Variants in CTNNA2 observed in about 807,000 individuals in gnomAD.
The protein encoded by CTNNA2 is catenin alpha-2.
A neutral mutation model predicts 101.0 loss-of-function variants in CTNNA2; 42 were observed. The observed-to-expected ratio is 0.42, with a 90% CI of 0.32 to 0.54. CTNNA2 has a LOEUF of 0.54. Among genes scored for constraint, CTNNA2 ranks in the 20% least tolerant of loss-of-function variants. CTNNA2 has a pLI of 0.14. For synonymous variants in CTNNA2, 450 were observed against 456.4 expected (o/e 0.99, Z 0.18); for missense variants, 871 against 1,223.1 (o/e 0.71, Z 4.29).
intron 7 of CTNNA2, among the ~76,000 whole-genome samples, chr2:79,959,946 G>T (rs1689514870): frequency 6.6e-6 from 1 of 152,096 alleles, no homozygotes; most frequent in African/African-American, 2.4e-5. Context: ...TAATTTAATG[G>T]AGAATATTCA....
chr2:80,541,514 G>T (rs903668344), intron 9 of CTNNA2, among the ~76,000 whole-genome samples: 1 of 152,138 alleles, frequency 6.6e-6, no homozygotes, highest in African/African-American at 2.4e-5. Flanking sequence ...AACAAAAGAT[G>T]AGAAAACAGT....
intron 3 of CTNNA2, among the ~76,000 whole-genome samples, chr2:79,799,556 A>C (rs571703338): frequency 6.6e-6 from 1 of 152,148 alleles, no homozygotes. Context: ...ATCCCCCACG[A>C]TTTTACTGTA....
At chr2:80,335,392 G>A (rs1671683321) in intron 7 of CTNNA2, among the ~76,000 whole-genome samples, 1 of 152,122 alleles carries the variant, frequency 6.6e-6, no homozygotes, top group African/African-American at 2.4e-5. Context: ...GGAGTGAGGA[G>A]GAAGGCCTAC....
intron 11 of CTNNA2, among the ~76,000 whole-genome samples, chr2:80,553,880 T>C (rs1692794868): frequency 6.6e-6 from 1 of 152,206 alleles, no homozygotes; most frequent in East Asian, 1.9e-4. Context: ...TGTGTTCACA[T>C]GTTTAATCAT....
chr2:79,453,252 T>G lies in CTNNA2; in HGVS notation c.-134-51802T>G, dbSNP rs546177418. On this transcript the variant is annotated intron_variant, in intron 4 of 21. Coordinates refer to the CTNNA2 transcript ENST00000466387. ...TGCACATTACTTAGTAGAAAATTGA[T>G]GTTAGCTTTAAAGCATTCAAATAAG... 1.8e-4 allele frequency among the ~76,000 whole-genome samples: 28 copies of G among 152,264 alleles called. No individual in the cohort carries two copies. In the South Asian group the frequency reaches 5.6e-3, roughly 30 times the overall value.
intron 15 of CTNNA2, among the ~76,000 whole-genome samples, chr2:80,592,340 G>T (rs1490242239): frequency 6.6e-6 from 1 of 152,092 alleles, no homozygotes; most frequent in Admixed American, 6.6e-5. Flanking sequence ...TCAGTGAAGG[G>T]CAACCATCCA....
intron 7 of CTNNA2, among the ~76,000 whole-genome samples, chr2:80,185,539 A>G (rs1160069878): frequency 6.6e-6 from 1 of 152,200 alleles, no homozygotes; most frequent in Non-Finnish European, 1.5e-5. Context: ...ATGAGGGTTT[A>G]ATGTTCTAAA....
intron 7 of CTNNA2, among the ~76,000 whole-genome samples, chr2:80,078,857 TTTATC>T (rs1698933897): frequency 6.6e-6 from 1 of 152,134 alleles, no homozygotes; most frequent in African/African-American, 2.4e-5. Flanking sequence ...CTCCCTCCCT[TTTATC>T]TTGTCCTGAA....
chr2:79,381,728 A>G (rs527620306), intron 4 of CTNNA2, among the ~76,000 whole-genome samples: 1 of 152,176 alleles, frequency 6.6e-6, no homozygotes, highest in African/African-American at 2.4e-5. Flanking sequence ...CTGTCTATCC[A>G]GTGATCATTC....
chr2:79,334,075 CTT>C (rs918368766), intron 3 of CTNNA2, among the ~76,000 whole-genome samples: 23 of 152,078 alleles, frequency 1.5e-4, no homozygotes, highest in African/African-American at 4.8e-4. Context: ...GCTATCATGT[CTT>C]TGTGTTGGGG....
intron 1 of CTNNA2, among the ~76,000 whole-genome samples, chr2:79,581,243 T>C (rs1280683673): frequency 1.3e-5 from 2 of 152,176 alleles, no homozygotes; most frequent in African/African-American, 4.8e-5. Context: ...ATTTTAGTTT[T>C]GGCTGGGCGC....
intron 7 of CTNNA2, among the ~76,000 whole-genome samples, chr2:80,114,544 G>T (rs1033559308): frequency 2.6e-5 from 4 of 152,078 alleles, no homozygotes; most frequent in Admixed American, 6.6e-5. Context: ...TTCCATATTT[G>T]GAGTAGAAAC....
intron 7 of CTNNA2, among the ~76,000 whole-genome samples, chr2:80,187,205 C>G (rs933788970): frequency 1.8e-4 from 27 of 152,154 alleles, no homozygotes; most frequent in African/African-American, 6.5e-4. Context: ...AACATGGGAT[C>G]ACTGGCAGCA....
At chr2:80,339,786 T>A (rs1672071687) in intron 7 of CTNNA2, among the ~76,000 whole-genome samples, 1 of 152,208 alleles carries the variant, frequency 6.6e-6, no homozygotes, top group Admixed American at 6.5e-5. Context: ...GGACTAGGTA[T>A]AACTGAAGAA....
At chr2:79,292,333 A>G (rs1339439083) in intron 2 of CTNNA2, among the ~76,000 whole-genome samples, 1 of 152,196 alleles carries the variant, frequency 6.6e-6, no homozygotes, top group Non-Finnish European at 1.5e-5. Context: ...AACATTTTCT[A>G]TGCTGAATGC....
chr2:80,181,345 C>CT (rs759908797), intron 7 of CTNNA2, among the ~76,000 whole-genome samples: 4 of 152,158 alleles, frequency 2.6e-5, no homozygotes, highest in Non-Finnish European at 4.4e-5. Context: ...GCTGTTTCCT[C>CT]TGGCAGAAGA....
At chr2:80,225,104 G>A (rs978803993) in intron 7 of CTNNA2, among the ~76,000 whole-genome samples, 1 of 152,076 alleles carries the variant, frequency 6.6e-6, no homozygotes, top group South Asian at 2.1e-4. Context: ...TCCATGAGTG[G>A]CCCCACCAGT....
chr2:79,682,767 A>T (rs909488744), intron 2 of CTNNA2, among the ~76,000 whole-genome samples: 1 of 152,136 alleles, frequency 6.6e-6, no homozygotes, highest in Admixed American at 6.6e-5. Flanking sequence ...ATAGATACAT[A>T]TATGTGCTTT....
chr2:79,673,289 A>G (rs6731004), intron 2 of CTNNA2, among the ~76,000 whole-genome samples: 37,333 of 151,576 alleles, frequency 0.25, 4,919 homozygotes, highest in African/African-American at 0.35. Context: ...TTCCTTAAAA[A>G]CTTTTAGGTT....
Sources: allele counts gnomAD v4.1 joint callset (sites outside exome capture counted in the v4.1 genomes callset), GRCh38; gene constraint gnomAD v4.1.1; transcripts MANE v1.5; gene names NCBI Gene and HGNC (gene_info 2026-07-23, HGNC 2026-07-21).